Variants in DHRSX observed in about 807,000 individuals in gnomAD.
DHRSX encodes the protein polyprenol dehydrogenase.
DHRSX carries 31 observed loss-of-function variants against 34.0 expected under a neutral mutation model. The observed-to-expected ratio is 0.91, with a 90% CI of 0.69 to 1.23. The LOEUF is 1.23. Ranked by LOEUF, DHRSX falls within the 50% of genes most tolerant of loss-of-function variation. DHRSX has a pLI of 0.00. For missense variants in DHRSX, 414 were observed against 428.1 expected (o/e 0.97, Z 0.29); for synonymous variants, 201 against 183.8 (o/e 1.09, Z -0.76).
intron 3 of DHRSX, among the ~76,000 whole-genome samples, chrX:2,326,013 A>G (rs764847124): frequency 3.3e-5 from 5 of 152,196 alleles, no homozygotes; most frequent in Admixed American, 2.6e-4. Flanking sequence ...CTATCCTCAC[A>G]ATAGGCAAAG....
chrX:2,314,042 A>T (rs1276367902), intron 3 of DHRSX, among the ~76,000 whole-genome samples: 2 of 151,596 alleles, frequency 1.3e-5, no homozygotes, highest in African/African-American at 4.8e-5. Flanking sequence ...TTTATTTTGC[A>T]CAGGAAGCTC....
At chrX:2,420,238 C>G (rs2043760442) in intron 2 of DHRSX, among the ~76,000 whole-genome samples, 1 of 151,516 alleles carries the variant, frequency 6.6e-6, no homozygotes, top group Non-Finnish European at 1.5e-5. Context: ...GAAACCCCCC[C>G]TCTACTAAAA....
At chrX:2,388,049 T>TG (rs1341972217) in intron 3 of DHRSX, among the ~76,000 whole-genome samples, 1 of 151,890 alleles carries the variant, frequency 6.6e-6, no homozygotes, top group Middle Eastern at 3.2e-3. Flanking sequence ...TGTGGTCCTG[T>TG]GGGGACTGAT....
chrX:2,391,328 T>C (rs2043333087), intron 3 of DHRSX, among the ~76,000 whole-genome samples: 1 of 152,114 alleles, frequency 6.6e-6, no homozygotes, highest in African/African-American at 2.4e-5. Flanking sequence ...TCCTTAAAAG[T>C]CAGGTTCCTT....
At position 2,403,811 on chromosome X, in the gene DHRSX, A is replaced by G. The variant is rs140625537; in HGVS notation, c.286+4934T>C. Among the ~76,000 whole-genome samples the G allele has an allele frequency of 4.2e-3, 628 of 150,500 alleles. 4 individuals carry two copies. The highest frequency in any genetic ancestry group is 0.013 in the African/African-American group (540 of 40,780). On this transcript the variant is annotated intron_variant, in intron 3 of 6. Coordinates refer to ENST00000334651, the MANE Select transcript of DHRSX (RefSeq NM_145177.3). Reference sequence around the variant, plus strand: ...GCGGAGGTTGCAGTGAGCCGAGATCACACCACTGCATTCTAACGTGGGCAA... The same window carrying G: ...GCGGAGGTTGCAGTGAGCCGAGATCGCACCACTGCATTCTAACGTGGGCAA...
chrX:2,225,120 ACT>A (rs201351069), intron 6 of DHRSX, among the ~76,000 whole-genome samples: 2,071 of 147,854 alleles, frequency 0.014, 14 homozygotes, highest in Non-Finnish European at 0.023. Flanking sequence ...ACATGCACAC[ACT>A]CATTCACATG....
At chrX:2,390,667 C>T (rs890305877) in intron 3 of DHRSX, among the ~76,000 whole-genome samples, 1 of 152,154 alleles carries the variant, frequency 6.6e-6, no homozygotes. Flanking sequence ...ATAACTACCC[C>T]ATTCTACTTT....
At chrX:2,347,652 C>A (rs757140280) in intron 3 of DHRSX, among the ~76,000 whole-genome samples, 1 of 152,254 alleles carries the variant, frequency 6.6e-6, no homozygotes, top group South Asian at 2.1e-4. Flanking sequence ...CGAGATCATG[C>A]CACGGCACTC....
At chrX:2,468,559 G>T (rs1179484712) in intron 1 of DHRSX, among the ~76,000 whole-genome samples, 5 of 151,762 alleles carry the variant, frequency 3.3e-5, no homozygotes, top group African/African-American at 1.2e-4. Context: ...CTAAGAATGC[G>T]GCCACGGGAC....
chrX:2,317,255 G>GTTTTTTTTTTT (rs2042251340), intron 3 of DHRSX, among the ~76,000 whole-genome samples: 2 of 32,576 alleles, frequency 6.1e-5, no homozygotes, highest in African/African-American at 2.1e-4. Context: ...ACCGCGCCTG[G>GTTTTTTTTTTT]CTTTTTTTTT....
chrX:2,483,933 A>T (rs1276642492), intron 1 of DHRSX, among the ~76,000 whole-genome samples: 1 of 152,080 alleles, frequency 6.6e-6, no homozygotes, highest in African/African-American at 2.4e-5. Context: ...TCAACAGAGC[A>T]ATAATATTTC....
intron 4 of DHRSX, among the ~76,000 whole-genome samples, chrX:2,272,809 C>A (rs1435816187): frequency 6.6e-6 from 1 of 152,174 alleles, no homozygotes; most frequent in Admixed American, 6.6e-5. Flanking sequence ...AGGAGACCCC[C>A]CAGGCAGAAC....
At chrX:2,347,244 G>C (rs1354054901) in intron 3 of DHRSX, among the ~76,000 whole-genome samples, 1 of 152,162 alleles carries the variant, frequency 6.6e-6, no homozygotes, top group South Asian at 2.1e-4. Context: ...CATTGTGACA[G>C]ACAAGAGAAG....
chrX:2,450,913 G>A (rs1400199127), intron 1 of DHRSX, among the ~76,000 whole-genome samples: 2 of 151,924 alleles, frequency 1.3e-5, no homozygotes, highest in Non-Finnish European at 2.9e-5. Context: ...CCTCATGAAT[G>A]GGATCAGTGT....
intron 3 of DHRSX, among the ~76,000 whole-genome samples, chrX:2,379,547 A>G (rs1390894892): frequency 6.8e-6 from 1 of 147,422 alleles, no homozygotes; most frequent in African/African-American, 2.5e-5. Flanking sequence ...ACTCAACTGG[A>G]ATTTATTTCT....
intron 3 of DHRSX, among the ~76,000 whole-genome samples, chrX:2,348,893 C>T (rs920598052): frequency 2.6e-5 from 4 of 151,922 alleles, no homozygotes; most frequent in Non-Finnish European, 4.4e-5. Context: ...GACATTTCAC[C>T]ACGTTGGCCA....
At chrX:2,332,265 G>A (rs1456847004) in intron 3 of DHRSX, among the ~76,000 whole-genome samples, 5 of 152,178 alleles carry the variant, frequency 3.3e-5, no homozygotes, top group Non-Finnish European at 7.3e-5. Context: ...GACTGAATGG[G>A]TCCTGTGAAG....
intron 3 of DHRSX, among the ~76,000 whole-genome samples, chrX:2,352,397 C>G (rs774774611): frequency 6.6e-6 from 1 of 152,242 alleles, no homozygotes; most frequent in East Asian, 1.9e-4. Context: ...ACGAGGCTGT[C>G]TCCAAAAACT....
At chrX:2,381,191 C>G (rs2043198080) in intron 3 of DHRSX, among the ~76,000 whole-genome samples, 1 of 152,116 alleles carries the variant, frequency 6.6e-6, no homozygotes, top group Admixed American at 6.5e-5. Flanking sequence ...GAGACATAAC[C>G]TACAAGGTGA....
Sources: gnomAD v4.1 joint callset for allele counts (sites outside exome capture counted in the v4.1 genomes callset) on GRCh38, gnomAD v4.1.1 for gene constraint, MANE v1.5 for transcripts, NCBI Gene and HGNC (gene_info 2026-07-23, HGNC 2026-07-21) for gene names.